The following TSHZ1 variants were observed in gnomAD, a reference collection of about 807,000 sequenced individuals.
TSHZ1 encodes teashirt homolog 1.
In TSHZ1, 12 loss-of-function variants were observed where a neutral mutation model predicts 67.1. The ratio of observed to expected loss-of-function variants is 0.18; its 90% CI spans 0.11 to 0.29. The LOEUF is 0.29. Ranked by LOEUF, TSHZ1 falls within the 10% of genes least tolerant of loss-of-function variation. The probability of loss-of-function intolerance (pLI) is 1.00; values close to 1 mark genes in which losing one functional copy is unlikely to be tolerated. For missense variants in TSHZ1, 1,305 were observed against 1,413.9 expected, an observed-to-expected ratio of 0.92 and a Z score of 1.23; for synonymous variants, 632 against 622.4, an observed-to-expected ratio of 1.02 and a Z score of -0.23.
At chr18:75,269,352 C>G (rs1331222307) in intron 1 of TSHZ1, among the ~76,000 whole-genome samples, 1 of 152,198 alleles carries the variant, frequency 6.6e-6, no homozygotes, top group Admixed American at 6.5e-5. Context: ...AGGTCCACTA[C>G]GATGTGGTTC....
chr18:75,224,292 G>T (rs1303346246), intron 1 of TSHZ1, among the ~76,000 whole-genome samples: 3 of 152,054 alleles, frequency 2.0e-5, no homozygotes, highest in African/African-American at 7.2e-5. Context: ...ACTAAAGAGA[G>T]CTTAACAGGA....
Position 75,285,383 on chromosome 18 carries a change from CT to C in TSHZ1, c.41-64del, listed in dbSNP as rs2023738213. The C allele has an allele frequency of 3.5e-6, 5 of 1,412,628 alleles. No individual in the cohort carries two copies. In the East Asian group the frequency reaches 1.3e-4, roughly 36 times the overall value. The allele number at this position is 1,412,628 out of a possible 1,614,324, so 87.5% of individuals were successfully genotyped here. ...TATCTTTTTAAAGATCATCTAACTGCTGGGGAGGCTGTCTCTTTGAAGATGA... is the reference window on the plus strand; with the variant it reads ...TATCTTTTTAAAGATCATCTAACTGCGGGGAGGCTGTCTCTTTGAAGATGA... On this transcript the variant is annotated intron_variant, in intron 1 of 1. Transcript: ENST00000580243.
At chr18:75,226,748 A>G (rs2022931208) in intron 1 of TSHZ1, among the ~76,000 whole-genome samples, 1 of 152,104 alleles carries the variant, frequency 6.6e-6, no homozygotes, top group African/African-American at 2.4e-5. Flanking sequence ...TGTGTCATTT[A>G]TCAAAGGGGC....
At chr18:75,257,378 CA>C (rs1180115334) in intron 1 of TSHZ1, among the ~76,000 whole-genome samples, 1 of 152,064 alleles carries the variant, frequency 6.6e-6, no homozygotes, top group Admixed American at 6.5e-5. Flanking sequence ...AAACAAAAAA[CA>C]AAAAACCCAC....
At position 75,286,878 on chromosome 18, in the gene TSHZ1, G is replaced by C. The variant is rs754868195; in HGVS notation, c.1471G>C (p.Ala491Pro). 2.5e-6 allele frequency: 4 copies of C among 1,614,174 alleles called. No homozygotes were observed. In the South Asian group the frequency reaches 4.4e-5, roughly 18 times the overall value. The change falls in exon 2 of 2, where the codon GCG becomes CCG. Residue 491 changes from alanine to proline, a missense_variant. Around this residue, in one of 3 missense-constraint regions of TSHZ1, gnomAD observed 909 missense variants for 961.8 expected, o/e 0.95. Coordinates refer to ENST00000580243, the MANE Select transcript of TSHZ1 (RefSeq NM_001308210.2). This position sits in a 1 kb window ranked among gnomAD's most constrained non-coding sequence, Gnocchi z 5.1. ...SSIKKQPDSP[A>P]GSTTSEEKKE... ...CATCAAAAAGCAGCCCGACTCTCCC[G>C]CGGGGTCCACGACTTCTGAAGAAAA... is the stretch of plus-strand genomic sequence containing the variant.
intron 1 of TSHZ1, among the ~76,000 whole-genome samples, chr18:75,262,890 AT>A (rs908108357): frequency 1.3e-5 from 2 of 152,108 alleles, no homozygotes; most frequent in African/African-American, 4.8e-5. Context: ...CTCAGAGAAC[AT>A]TTTCAGGTCA....
chr18:75,257,219 C>T (rs556739758), intron 1 of TSHZ1, among the ~76,000 whole-genome samples: 29 of 152,240 alleles, frequency 1.9e-4, no homozygotes, highest in African/African-American at 2.6e-4. Context: ...TTCAAGGCCC[C>T]GAGTAGCATG....
At position 75,241,513 on chromosome 18, in the gene TSHZ1, A is replaced by G. The variant is rs562045330; in HGVS notation, c.40+29597A>G. On this transcript the variant is annotated intron_variant, in intron 1 of 1. Transcript: ENST00000580243. ...TGTGCGTCTGTGCCTGCAGGTGGGCAAGGAAGCCTGGGGAGAGAGTTGATG... is the reference window on the plus strand; with the variant it reads ...TGTGCGTCTGTGCCTGCAGGTGGGCGAGGAAGCCTGGGGAGAGAGTTGATG... 1.4e-3 allele frequency among the ~76,000 whole-genome samples: 210 copies of G among 152,256 alleles called. 1 individual carries two copies. The highest frequency in any genetic ancestry group is 4.6e-3 in the African/African-American group (191 of 41,540).
At position 75,285,942 on chromosome 18, in the gene TSHZ1, T is replaced by G; in HGVS notation, c.535T>G (p.Cys179Gly). The G allele has an allele frequency of 1.4e-6, 2 of 1,417,698 alleles. No homozygotes were observed. Among genetic ancestry groups the G allele is most frequent in the Non-Finnish European group, 1.9e-6 (2 of 1,072,220 alleles). The allele number at this position is 1,417,698 out of a possible 1,614,324, so 87.8% of individuals were successfully genotyped here. A position where few individuals can be genotyped will look rare whatever the true frequency, so the allele number is the denominator to read the frequency against. Residue 179 changes from cysteine (C) to glycine (G), a missense_variant, in exon 2 of 2, where the codon TGC (cysteine) becomes GGC (glycine). Transcript: ENST00000580243. ...GPTTSTPSTS[C>G]SSSTSHSSTT... is the part of the protein sequence containing the mutation. ...CACCACGAGCACGCCCAGCACCAGC[T>G]GCAGCTCCAGCACCAGCCACAGCAG... is the stretch of plus-strand genomic sequence containing the variant.
At chr18:75,212,319 T>C (rs539460234) in intron 1 of TSHZ1, among the ~76,000 whole-genome samples, 1 of 151,974 alleles carries the variant, frequency 6.6e-6, no homozygotes, top group Non-Finnish European at 1.5e-5. Flanking sequence ...GAAAACAAGG[T>C]CACCAGGCTG....
rs1242676710 is a variant in TSHZ1, at chr18:75,288,099, C to G, written c.2692C>G (p.Leu898Val). 1 of 1,613,628 alleles carries G rather than the reference C, an allele frequency of 6.2e-7. No homozygotes were observed. Among genetic ancestry groups the G allele is most frequent in the Admixed American group, 1.7e-5 (1 of 60,032 alleles). ...RQSNWNPQHLLILQAQFASSL... is the reference protein window; with the variant it reads ...RQSNWNPQHLVILQAQFASSL... ...GTCCAACTGGAACCCGCAGCACCTT[C>G]TCATCCTGCAGGCCCAGTTCGCCTC... Residue 898 changes from leucine (L) to valine (V), a missense_variant, in exon 2 of 2, where the codon CTC becomes GTC. Physicochemically the swap from Leu to Val is conservative, Grantham distance 32. Transcript: ENST00000580243. This position sits in a 1 kb window ranked among gnomAD's most constrained non-coding sequence, Gnocchi z 4.9.
chr18:75,229,662 G>T (rs1020801320), intron 1 of TSHZ1, among the ~76,000 whole-genome samples: 1 of 152,240 alleles, frequency 6.6e-6, no homozygotes, highest in Non-Finnish European at 1.5e-5. Flanking sequence ...GTGACATGCG[G>T]TCTATGACGT....
Position 75,246,403 on chromosome 18 carries a change from G to GGTGT in TSHZ1, c.40+34526_40+34529dup, listed in dbSNP as rs74178999. 3.5e-3 allele frequency among the ~76,000 whole-genome samples: 379 copies of GGTGT among 108,422 alleles called. 21 individuals carry two copies. The highest frequency in any genetic ancestry group is 0.01 in the African/African-American group (287 of 28,250). 71.1% of individuals were successfully genotyped at this position (108,422 alleles called of 152,430 possible). ...CTCTGATGGGGTGTTTTTGGTTTCT[G>GGTGT]GTGTGTGTGTGTGTGTGTGTGTGTG... On this transcript the variant is annotated intron_variant, in intron 1 of 1. Coordinates refer to ENST00000580243, the MANE Select transcript of TSHZ1 (RefSeq NM_001308210.2).
intron 1 of TSHZ1, among the ~76,000 whole-genome samples, chr18:75,261,299 A>G (rs1360875981): frequency 1.3e-5 from 2 of 152,214 alleles, no homozygotes; most frequent in Non-Finnish European, 2.9e-5. Context: ...GCTTTGACTC[A>G]TGACAACATC....
chr18:75,284,467 G>A (rs1003009286), intron 1 of TSHZ1: 1 of 152,176 alleles, frequency 6.6e-6, no homozygotes, highest in African/African-American at 2.4e-5. Context: ...GTTTCATGGC[G>A]TTAAGAACGT....
At chr18:75,264,812 G>T (rs952058675) in intron 1 of TSHZ1, among the ~76,000 whole-genome samples, 4 of 152,154 alleles carry the variant, frequency 2.6e-5, no homozygotes, top group Admixed American at 2.6e-4. Context: ...TGTTATTTTA[G>T]AAGGAATTTT....
chr18:75,252,349 C>T lies in TSHZ1; in HGVS notation c.41-33099C>T, dbSNP rs147287090. On this transcript the variant is annotated intron_variant, in intron 1 of 1. Transcript: ENST00000580243. ...TTGGATGTTTTAAATTATTTTGTTG[C>T]GTGTACTGCCAACTGGCCTTCTGGG... Among the ~76,000 whole-genome samples the T allele has an allele frequency of 1.4e-4, 22 of 152,284 alleles. 1 individual carries two copies. The highest frequency in any genetic ancestry group is 3.4e-4 in the African/African-American group (14 of 41,536).
Position 75,287,614 on chromosome 18 carries a change from A to T in TSHZ1, c.2207A>T (p.His736Leu), listed in dbSNP as rs1019910350. The T allele has an allele frequency of 6.2e-7, 1 of 1,614,088 alleles. No homozygotes were observed. ...GCNNLGIIMDHSPEPSFINPL... is the reference protein window; with the variant it reads ...GCNNLGIIMDLSPEPSFINPL... Reference sequence around the variant, plus strand: ...AACAACCTGGGGATCATCATGGACCACTCACCGGAGCCTTCCTTCATCAAC... The same window carrying T: ...AACAACCTGGGGATCATCATGGACCTCTCACCGGAGCCTTCCTTCATCAAC... Residue 736 changes from histidine to leucine, a missense_variant, in exon 2 of 2, where the codon CAC becomes CTC. Physicochemically the swap from His to Leu is moderately conservative, Grantham distance 99. Transcript: ENST00000580243. The surrounding 1 kb of genome is among the most constrained non-coding windows in gnomAD (Gnocchi z 5.0).
intron 1 of TSHZ1, among the ~76,000 whole-genome samples, chr18:75,279,369 G>A (rs952984772): frequency 3.3e-5 from 5 of 152,248 alleles, no homozygotes; most frequent in Non-Finnish European, 7.3e-5. Context: ...AACTGGAAGA[G>A]TATATGATAA....
Sources: allele counts gnomAD v4.1 joint callset (sites outside exome capture counted in the v4.1 genomes callset), GRCh38; gene constraint gnomAD v4.1.1; regional missense constraint gnomAD v4.1.1; non-coding constraint Gnocchi (gnomAD v3.1); transcripts MANE v1.5; gene names NCBI Gene and HGNC (gene_info 2026-07-23, HGNC 2026-07-21).